IFT140: variants seen among roughly 807,000 people sequenced by gnomAD.
IFT140 encodes the protein intraflagellar transport 140.
IFT140 carries 133 observed loss-of-function variants against 164.6 expected under a neutral mutation model. The observed-to-expected ratio is 0.81, with a 90% CI of 0.70 to 0.93. The LOEUF (loss-of-function observed/expected upper bound fraction) is 0.93. IFT140 is among the 40% of genes least tolerant of loss of function. IFT140 has a pLI of 0.00. For missense variants in IFT140, 2,045 were observed against 1,972.3 expected (o/e 1.04, Z -0.70); for synonymous variants, 860 against 817.3 (o/e 1.05, Z -0.89).
In IFT140 at chr16:1,520,274, T is replaced by G. The variant is rs754378130; in HGVS notation, c.3730A>C (p.Lys1244Gln). 6.2e-7 allele frequency: 1 copy of G among 1,614,244 alleles called. No homozygotes were observed. The highest frequency in any genetic ancestry group is 8.5e-7 in the Non-Finnish European group (1 of 1,180,048). ...TTAGCAGCCATGATGTAGATTTCCT[T>G]CTGCCTGGACACGCTCGCGAAGAAC... ...ITFFASVSRQ[K>Q]EIYIMAANYL... The change falls in exon 28 of 31, where the codon AAG (lysine) becomes CAG (glutamine). Residue 1244 changes from lysine to glutamine, a missense_variant. Transcript: ENST00000426508.
intron 6 of IFT140, among the ~76,000 whole-genome samples, chr16:1,590,147 G>A (rs1245689195): frequency 1.4e-5 from 2 of 143,652 alleles, no homozygotes; most frequent in African/African-American, 2.6e-5. Context: ...GTTGCAGTGA[G>A]CCAAGATTAC....
intron 3 of IFT140, among the ~76,000 whole-genome samples, chr16:1,605,555 G>C (rs1303254861): frequency 5.9e-5 from 9 of 152,032 alleles, no homozygotes; most frequent in Non-Finnish European, 5.9e-5. Flanking sequence ...ACAGGTGCCC[G>C]CCACCACGCC....
Position 1,592,477 on chromosome 16 carries a change from G to T in IFT140, c.481C>A (p.Pro161Thr), listed in dbSNP as rs148462329. 108 of 1,614,180 alleles carry T rather than the reference G, an allele frequency of 6.7e-5. No homozygotes were observed. The highest frequency in any genetic ancestry group is 1.8e-4 in the East Asian group (8 of 44,882). ...AAGCCCCACACTTACTCGCCAGGAGGGGGGAGCCGGAAGATGCAGTGCGTG... is the reference window on the plus strand; with the variant it reads ...AAGCCCCACACTTACTCGCCAGGAGTGGGGAGCCGGAAGATGCAGTGCGTG... The part of the protein sequence containing the change: ...HLTHCIFRLP[P>T]PGEDLVQLAK... The change falls in exon 5 of 31, where the codon CCT (proline) becomes ACT (threonine). Residue 161 changes from proline (P) to threonine (T), a missense_variant. Coordinates refer to ENST00000426508, the MANE Select transcript of IFT140 (RefSeq NM_014714.4).
chr16:1,558,472 G>A lies in IFT140; in HGVS notation c.2200-338C>T, dbSNP rs938982437. Among the ~76,000 whole-genome samples the A allele has an allele frequency of 4.6e-5, 7 of 152,366 alleles. No individual in the cohort carries two copies. The South Asian group carries it at 1.2e-3, about 27-fold the overall frequency. On this transcript the variant is annotated intron_variant, in intron 18 of 30. Coordinates refer to ENST00000426508, the MANE Select transcript of IFT140 (RefSeq NM_014714.4). ...CCTGGATTGGCTGTGTACCCTCTAC[G>A]GGTATTTTTCAGGAGAGCCCTCAGC...
At chr16:1,581,915 GA>G (rs1292424448) in intron 12 of IFT140, among the ~76,000 whole-genome samples, 9 of 151,066 alleles carry the variant, frequency 6.0e-5, no homozygotes, top group Admixed American at 2.0e-4. Context: ...TGTTAGCAGA[GA>G]AAAAAAAATG....
chr16:1,543,459 G>A (rs1043386996), intron 19 of IFT140, among the ~76,000 whole-genome samples: 1 of 152,226 alleles, frequency 6.6e-6, no homozygotes, highest in African/African-American at 2.4e-5. Context: ...ACTTCCCCTG[G>A]CGGGTAGGGG....
intron 3 of IFT140, among the ~76,000 whole-genome samples, chr16:1,604,023 T>A (rs1186423324): frequency 1.3e-5 from 2 of 152,274 alleles, no homozygotes; most frequent in Non-Finnish European, 2.9e-5. Context: ...CTTCTAAATT[T>A]AAAAATTTTA....
At chr16:1,513,262 G>C (rs1040169553) in intron 30 of IFT140, 10 of 152,196 alleles carry the variant, frequency 6.6e-5, no homozygotes, top group African/African-American at 2.4e-4. Flanking sequence ...GGCCGAGGTG[G>C]GCGGATCACG....
Position 1,564,610 on chromosome 16 carries a change from C to A in IFT140, c.1902-448G>T, listed in dbSNP as rs570336328. The stretch of plus-strand genomic sequence containing the variant: ...GCTGCCCCTTGGACCCAGGTCCCTC[C>A]CATCTCTAAAGTTCTATGTTGGATG... On this transcript the variant is annotated intron_variant, in intron 16 of 30. Transcript: ENST00000426508. This position sits in a 1 kb window ranked among gnomAD's most constrained non-coding sequence, Gnocchi z 5.5. 6.6e-6 allele frequency among the ~76,000 whole-genome samples: 1 copy of A among 152,324 alleles called. No individual in the cohort carries two copies. Among genetic ancestry groups the A allele is most frequent in the Non-Finnish European group, 1.5e-5 (1 of 68,020 alleles).
intron 10 of IFT140, 130 bp downstream of exon 10, chr16:1,586,000 T>C (rs2034854367): frequency 1.9e-6 from 2 of 1,036,946 alleles, no homozygotes; most frequent in Middle Eastern, 2.9e-4. Flanking sequence ...CTCGATCTCC[T>C]GACCTCATGA....
chr16:1,534,471 G>C lies in IFT140; in HGVS notation c.2400-7675C>G, dbSNP rs770593310. The C allele has an allele frequency of 1.9e-6, 3 of 1,610,818 alleles. No individual in the cohort carries two copies. The highest frequency in any genetic ancestry group is 3.3e-5 in the Admixed American group (2 of 59,992). ...AGGGCCGAGCCCTGGGGCCAGAGCC[G>C]GCCAGGTGGACGCACATGACTGTGA... On this transcript the variant is annotated intron_variant, in intron 19 of 30. Transcript: ENST00000426508.
intron 19 of IFT140, among the ~76,000 whole-genome samples, chr16:1,539,610 G>A (rs979657792): frequency 6.6e-6 from 1 of 152,258 alleles, no homozygotes; most frequent in Non-Finnish European, 1.5e-5. Flanking sequence ...TCGCGGGAGC[G>A]CTATGGTTTC....
In IFT140 at chr16:1,553,142, T is replaced by C. The variant is rs1259875499; in HGVS notation, c.2399+4793A>G. 1.4e-5 allele frequency: 14 copies of C among 985,248 alleles called. No individual in the cohort carries two copies. The Admixed American group carries it at 8.6e-4, about 61-fold the overall frequency. The allele number at this position is 985,248 out of a possible 1,614,324, so 61.0% of individuals were successfully genotyped here. On this transcript the variant is annotated intron_variant, in intron 19 of 30. Coordinates refer to ENST00000426508, the MANE Select transcript of IFT140 (RefSeq NM_014714.4). The surrounding 1 kb of genome is among the most constrained non-coding windows in gnomAD (Gnocchi z 4.4). ...ATGATGAAAAGATAATGCTTGGGTT[T>C]TTAGGAAAAACAAGGCTGGTTACCC...
intron 10 of IFT140, 129 bp downstream of exon 10, chr16:1,586,001 G>C: frequency 1.9e-6 from 2 of 1,041,426 alleles, no homozygotes; most frequent in Non-Finnish European, 3.0e-6. Context: ...TCGATCTCCT[G>C]ACCTCATGAT....
chr16:1,554,123 G>C, intron 19 of IFT140: 10 of 1,287,178 alleles, frequency 7.8e-6, no homozygotes, highest in Non-Finnish European at 1.0e-5. Context: ...ACTCGGAAGT[G>C]AGGGAAGACA....
chr16:1,569,406 A>G (rs527513835), intron 14 of IFT140, among the ~76,000 whole-genome samples: 11 of 152,178 alleles, frequency 7.2e-5, no homozygotes, highest in Admixed American at 2.0e-4. Context: ...ACTTTGGTAT[A>G]TAATTCAAGC....
At chr16:1,598,448 ACT>A (rs2035575472) in intron 4 of IFT140, among the ~76,000 whole-genome samples, 1 of 151,884 alleles carries the variant, frequency 6.6e-6, no homozygotes, top group South Asian at 2.1e-4. Flanking sequence ...ACAGAGTGAG[ACT>A]CTGTCTCAAA....
chr16:1,604,274 C>CCTGTGTGTGTGTGTGTGTGTGTGTGTGT (rs3222244), intron 3 of IFT140: 1 of 129,812 alleles, frequency 7.7e-6, no homozygotes, highest in Non-Finnish European at 1.6e-5. Flanking sequence ...GCTGCAAGGG[C>CCTGTGTGTGTGTGTGTGTGTGTGTGTGT]GTGTGTGTGT....
rs1206850855 is a variant in IFT140, at chr16:1,510,940, C to T, written c.*4G>A. ...CAGCACGCTGGTCCTGGGGCCCAGG[C>T]CCCTCAGGGGTCGTCATCTGCCTCT... On this transcript the variant is annotated 3_prime_UTR_variant, in exon 31 of 31. Transcript: ENST00000426508. The T allele has an allele frequency of 6.2e-7, 1 of 1,609,738 alleles. No individual in the cohort carries two copies. The highest frequency in any genetic ancestry group is 8.5e-7 in the Non-Finnish European group (1 of 1,178,666).
Sources: allele counts gnomAD v4.1 joint callset (sites outside exome capture counted in the v4.1 genomes callset), GRCh38; gene constraint gnomAD v4.1.1; non-coding constraint Gnocchi (gnomAD v3.1); transcripts MANE v1.5; gene names NCBI Gene and HGNC (gene_info 2026-07-23, HGNC 2026-07-21).